The following CKB variants were observed in gnomAD, a reference collection of about 807,000 sequenced individuals.
CKB encodes creatine kinase B.
A neutral mutation model predicts 36.9 loss-of-function variants in CKB; 15 were observed. That is an observed-to-expected ratio of 0.41 (90% CI 0.27 to 0.63). CKB has a LOEUF of 0.63. CKB is among the 20% of genes least tolerant of loss of function. The pLI is 0.34. For synonymous variants in CKB, 250 were observed against 228.2 expected (o/e 1.10, Z -0.86); for missense variants, 413 against 534.9 (o/e 0.77, Z 2.25).
chr14:103,521,125 C>A (rs1459196638), intron 5 of CKB, 138 bp downstream of exon 5: 3 of 1,102,944 alleles, frequency 2.7e-6, no homozygotes, highest in Non-Finnish European at 4.0e-6. Context: ...GAACCCAGAC[C>A]CGGAGCGCGG....
Position 103,522,191 on chromosome 14 carries a change from C to T in CKB, c.194-14G>A, listed in dbSNP as rs779240828. 1 of 1,597,854 alleles carries T rather than the reference C, an allele frequency of 6.3e-7. No individual in the cohort carries two copies. Among genetic ancestry groups the T allele is most frequent in the Non-Finnish European group, 8.5e-7 (1 of 1,173,262 alleles). On this transcript the variant is annotated splice_polypyrimidine_tract_variant and intron_variant, in intron 2 of 7. Transcript: ENST00000348956. This position sits in a 1 kb window ranked among gnomAD's most constrained non-coding sequence, Gnocchi z 6.7. ...TGTACGGGTGGCCTGGGGGAGGGGG[C>T]GCGGGACGGGGACAGTGACGTCACT... is the stretch of plus-strand genomic sequence containing the variant.
intron 4 of CKB, 81 bp from the exon 5 acceptor site, chr14:103,521,515 C>G: frequency 7.7e-7 from 1 of 1,299,230 alleles, no homozygotes; most frequent in East Asian, 3.0e-5. Flanking sequence ...CCCCCGTGCC[C>G]CACCTCGGGG....
rs552707789 is a variant in CKB, at chr14:103,522,694, G to T, written c.-13+72C>A. On this transcript the variant is annotated intron_variant, in intron 1 of 7. Coordinates refer to ENST00000348956, the MANE Select transcript of CKB (RefSeq NM_001823.5). The surrounding 1 kb of genome is among the most constrained non-coding windows in gnomAD (Gnocchi z 6.7). ...CCCGGCCGGTCCGGCGCGCGCTCCA[G>T]GCGACGCGCCCCCTTTGCACGCAGC... The T allele has an allele frequency of 8.6e-4, 146 of 168,874 alleles. 5 individuals carry two copies. The East Asian group carries it at 0.022, about 25-fold the overall frequency. The allele number at this position is 168,874 out of a possible 1,614,324, so 10.5% of individuals were successfully genotyped here.
intron 6 of CKB, 24 bp downstream of exon 6, chr14:103,520,445 C>T (rs2075892401): frequency 6.3e-7 from 1 of 1,595,472 alleles, no homozygotes; most frequent in African/African-American, 1.3e-5. Context: ...GCCCTGGGGT[C>T]TGGGCCTGCC....
At position 103,520,520 on chromosome 14, in the gene CKB, C is replaced by A. The variant is rs373038236; in HGVS notation, c.726G>T (p.Lys242Asn). 4.3e-5 allele frequency: 70 copies of A among 1,611,634 alleles called. No homozygotes were observed. Among genetic ancestry groups the A allele is most frequent in the Non-Finnish European group, 5.8e-5 (68 of 1,179,062 alleles). ...EDHLRVISMQ[K>N]GGNMKEVFTR... is the part of the protein sequence containing the mutation. ...TGAACACCTCCTTCATGTTGCCCCCCTTCTGCATGGAGATGACCCGCAGGT... is the reference window on the plus strand; with the variant it reads ...TGAACACCTCCTTCATGTTGCCCCCATTCTGCATGGAGATGACCCGCAGGT... Residue 242 changes from lysine to asparagine, a missense_variant, in exon 6 of 8, where the codon AAG (lysine) becomes AAT (asparagine). Lys to Asn is a moderately conservative substitution (Grantham distance 94, BLOSUM62 0). Transcript: ENST00000348956.
Position 103,522,642 on chromosome 14 carries a change from C to T in CKB, c.-13+124G>A, listed in dbSNP as rs995463610. The T allele has an allele frequency of 7.2e-6, 3 of 417,708 alleles. No individual in the cohort carries two copies. Among genetic ancestry groups the T allele is most frequent in the Non-Finnish European group, 1.1e-5 (3 of 275,998 alleles). The allele number at this position is 417,708 out of a possible 1,614,324, so 25.9% of individuals were successfully genotyped here. ...AGGTCAGCGGGGTCCGCAGCGCGCG[C>T]GGGGAGCGCCATCATCGCCGGGGAC... On this transcript the variant is annotated intron_variant, in intron 1 of 7. Transcript: ENST00000348956. The surrounding 1 kb of genome is among the most constrained non-coding windows in gnomAD (Gnocchi z 6.7).
intron 6 of CKB, 72 bp downstream of exon 6, chr14:103,520,396 CG>C (rs1566962160): frequency 6.3e-7 from 1 of 1,587,340 alleles, no homozygotes; most frequent in Non-Finnish European, 8.6e-7. Flanking sequence ...GGAAATCCCC[CG>C]GGGGGACTGA....
rs2075912380 is a variant in CKB, at chr14:103,522,567, C to T, written c.-12-62G>A. 2 of 992,294 alleles carry T rather than the reference C, an allele frequency of 2.0e-6. No individual in the cohort carries two copies. The highest frequency in any genetic ancestry group is 1.8e-5 in the African/African-American group (1 of 56,522). 61.5% of individuals were successfully genotyped at this position (992,294 alleles called of 1,614,324 possible). A position where few individuals can be genotyped will look rare whatever the true frequency, so the allele number is the denominator to read the frequency against. The stretch of plus-strand genomic sequence containing the variant: ...CCGGGGTTCCCGGGCTCCCGCGTAC[C>T]ACTCAGGCCCCCGCCGCCGGGCCCC... On this transcript the variant is annotated intron_variant, in intron 1 of 7. Coordinates refer to ENST00000348956, the MANE Select transcript of CKB (RefSeq NM_001823.5). This position sits in a 1 kb window ranked among gnomAD's most constrained non-coding sequence, Gnocchi z 6.7.
chr14:103,521,728 C>G, intron 4 of CKB, 90 bp downstream of exon 4: 5 of 1,277,594 alleles, frequency 3.9e-6, no homozygotes, highest in East Asian at 3.2e-5. Flanking sequence ...CGGCGGCTGC[C>G]GCTCCCGGGC....
rs1234111195 is a variant in CKB at position 103,521,493 on chromosome 14, C to G, written c.482-59G>C. On this transcript the variant is annotated intron_variant, in intron 4 of 7. Coordinates refer to ENST00000348956, the MANE Select transcript of CKB (RefSeq NM_001823.5). Reference sequence around the variant, plus strand: ...GCGCCCGCCCCTCCAGCCCGCAGCGCGGACCCGCCCGCCCCCGTGCCCCAC... The same window carrying G: ...GCGCCCGCCCCTCCAGCCCGCAGCGGGGACCCGCCCGCCCCCGTGCCCCAC... 7.9e-6 allele frequency: 11 copies of G among 1,396,594 alleles called. No homozygotes were observed. The East Asian group carries it at 1.4e-4, about 18-fold the overall frequency. 86.5% of individuals were successfully genotyped at this position (1,396,594 alleles called of 1,614,324 possible).
At position 103,522,062 on chromosome 14, in the gene CKB, G is replaced by T. The variant is rs1376423777; in HGVS notation, c.309C>A (p.Ser103Arg). Residue 103 changes from serine (S) to arginine (R), a missense_variant, in exon 3 of 8, where the codon AGC becomes AGA. By Grantham distance (110) the Ser-to-Arg change is moderately radical. Coordinates refer to ENST00000348956, the MANE Select transcript of CKB (RefSeq NM_001823.5). The surrounding 1 kb of genome is among the most constrained non-coding windows in gnomAD (Gnocchi z 6.7). ...GGTTGAGGTCGGTCTTGTGCTCATC[G>T]CTGGGCTTGTAGCCGCCGTGCCGGT... ...IEDRHGGYKP[S>R]DEHKTDLNPD... 45 of 1,555,664 alleles carry T rather than the reference G, an allele frequency of 2.9e-5. No individual in the cohort carries two copies. The highest frequency in any genetic ancestry group is 3.9e-5 in the Non-Finnish European group (45 of 1,150,332).
intron 5 of CKB, chr14:103,520,844 C>A (rs891530436): frequency 5.7e-6 from 3 of 527,508 alleles, no homozygotes; most frequent in African/African-American, 3.9e-5. Context: ...CAGCCCGACC[C>A]GCCCCCCACA....
chr14:103,522,528 A>T lies in CKB; in HGVS notation c.-12-23T>A. The T allele has an allele frequency of 7.7e-7, 1 of 1,294,330 alleles. No homozygotes were observed. The allele number at this position is 1,294,330 out of a possible 1,614,324, so 80.2% of individuals were successfully genotyped here. A position where few individuals can be genotyped will look rare whatever the true frequency, so the allele number is the denominator to read the frequency against. ...GGGCTGCGGGGAGACGCGGGGTCAG[A>T]GGGGACCGGCACGCCGGGGTTCCCG... On this transcript the variant is annotated intron_variant, in intron 1 of 7. Coordinates refer to ENST00000348956, the MANE Select transcript of CKB (RefSeq NM_001823.5). The surrounding 1 kb of genome is among the most constrained non-coding windows in gnomAD (Gnocchi z 6.7).
At position 103,519,891 on chromosome 14, in the gene CKB, G is replaced by A. The variant is rs1483177070; in HGVS notation, c.1119C>T (p.Ile373=). Reference sequence around the variant, plus strand: ...ATTTCTGGGCAGGCATGAGGTCGTCGATGGCCTGGCCCTGCTCCAGCCGCT... The same window carrying A: ...ATTTCTGGGCAGGCATGAGGTCGTCAATGGCCTGGCCCTGCTCCAGCCGCT... ...MEQRLEQGQA[I]DDLMPAQK is the part of the protein sequence containing the mutation. Residue 373 remains isoleucine (I), a synonymous_variant, in exon 8 of 8, where the codon ATC becomes ATT. Coordinates refer to ENST00000348956, the MANE Select transcript of CKB (RefSeq NM_001823.5). The A allele has an allele frequency of 1.2e-6, 2 of 1,606,768 alleles. No homozygotes were observed. Among genetic ancestry groups the A allele is most frequent in the Non-Finnish European group, 1.7e-6 (2 of 1,179,850 alleles).
In CKB at chr14:103,520,191, G is replaced by A. The variant is rs2075890446; in HGVS notation, c.898C>T (p.Pro300Ser). 6.2e-7 allele frequency: 1 copy of A among 1,613,072 alleles called. No homozygotes were observed. The highest frequency in any genetic ancestry group is 1.1e-5 in the South Asian group (1 of 91,082). Residue 300 changes from proline to serine, a missense_variant, in exon 7 of 8, where the codon CCC becomes TCC. Pro to Ser is a moderately conservative substitution (Grantham distance 74). Transcript: ENST00000348956. The part of the protein sequence containing the change: ...GLRAGVHIKL[P>S]NLGKHEKFSE... ...AACTTCTCATGCTTGCCCAGGTTGG[G>A]CAGCTTGATATGCACACCTGCCCGC...
In CKB at chr14:103,521,783, GGCC is replaced by G. The variant is rs538583363; in HGVS notation, c.481+32_481+34del. The G allele has an allele frequency of 1.7e-4, 229 of 1,354,584 alleles. 1 individual carries two copies. In the African/African-American group the frequency reaches 3.4e-3, roughly 20 times the overall value. 83.9% of individuals were successfully genotyped at this position (1,354,584 alleles called of 1,614,324 possible). ...GGGGACCGCGCCGGGAGGGGGACGC[GGCC>G]GCCGCCGCCCCTCGGCCCGCCCGGC... On this transcript the variant is annotated intron_variant, in intron 4 of 7. Coordinates refer to ENST00000348956, the MANE Select transcript of CKB (RefSeq NM_001823.5).
intron 4 of CKB, 25 bp downstream of exon 4, chr14:103,521,793 G>A (rs893453665): frequency 4.1e-5 from 56 of 1,368,232 alleles, no homozygotes; most frequent in Non-Finnish European, 5.1e-5. Flanking sequence ...GGCCGCCGCC[G>A]CCCCTCGGCC....
At chr14:103,521,021 GTGT>G in intron 5 of CKB, 1 of 637,068 alleles carries the variant, frequency 1.6e-6, no homozygotes. Flanking sequence ...GGGTGGGGAG[GTGT>G]TGCTGAGTCC....
In CKB at chr14:103,520,813, CG is replaced by C. The variant is rs559713677; in HGVS notation, c.654-222del. 185 of 626,912 alleles carry C rather than the reference CG, an allele frequency of 3.0e-4. 1 individual carries two copies. The African/African-American group carries it at 3.1e-3, about 11-fold the overall frequency. 38.8% of individuals were successfully genotyped at this position (626,912 alleles called of 1,614,324 possible). A position where few individuals can be genotyped will look rare whatever the true frequency, so the allele number is the denominator to read the frequency against. ...TCATGCGCTGTGGCCTGAGGTGGGG[CG>C]GGGCCAGGGACCGCCAGGACAGCCC... On this transcript the variant is annotated intron_variant, in intron 5 of 7. Transcript: ENST00000348956.
Sources: allele counts gnomAD v4.1 joint callset, GRCh38; gene constraint gnomAD v4.1.1; non-coding constraint Gnocchi (gnomAD v3.1); transcripts MANE v1.5; gene names NCBI Gene and HGNC (gene_info 2026-07-23, HGNC 2026-07-21).